Variants in TMEM132B observed in about 807,000 individuals in gnomAD.
The protein encoded by TMEM132B is transmembrane protein 132B.
In TMEM132B, 18 loss-of-function variants were observed where a neutral mutation model predicts 90.8. The observed-to-expected ratio is 0.20, with a 90% CI of 0.14 to 0.29. The LOEUF is 0.29. Ranked by LOEUF, TMEM132B falls within the 10% of genes least tolerant of loss-of-function variation. The pLI, the probability that TMEM132B is intolerant of heterozygous loss-of-function variation, is 1.00. For synonymous variants in TMEM132B, 504 were observed against 523.3 expected, an observed-to-expected ratio of 0.96 and a Z score of 0.50; for missense variants, 1,096 against 1,326.8, an observed-to-expected ratio of 0.83 and a Z score of 2.70.
At chr12:125,436,031 C>T (rs1294793004) in intron 3 of TMEM132B, among the ~76,000 whole-genome samples, 1 of 152,110 alleles carries the variant, frequency 6.6e-6, no homozygotes, top group African/African-American at 2.4e-5. Context: ...TTGAAGACAT[C>T]CTTTCCTCCC....
Position 125,330,047 on chromosome 12 carries a change from C to A in TMEM132B, c.68-19405C>A, listed in dbSNP as rs548908144. Among the ~76,000 whole-genome samples the A allele has an allele frequency of 3.0e-3, 450 of 152,300 alleles. 5 individuals carry two copies. The highest frequency in any genetic ancestry group is 3.7e-3 in the Non-Finnish European group (252 of 68,028). The stretch of plus-strand genomic sequence containing the variant: ...TTGTTCCGTGGCCGACGCTGTGGTC[C>A]GACGATCTGTGTCACGCTGGACTGA... On this transcript the variant is annotated intron_variant, in intron 1 of 8. Coordinates refer to ENST00000682704, the MANE Select transcript of TMEM132B (RefSeq NM_001366854.1).
chr12:125,290,669 TA>T (rs1461326162), intron 1 of TMEM132B, among the ~76,000 whole-genome samples: 4 of 152,254 alleles, frequency 2.6e-5, no homozygotes, highest in Non-Finnish European at 5.9e-5. Context: ...TATTCTGGTA[TA>T]TGAATATATC....
At chr12:125,389,255 A>G (rs2136298937) in intron 2 of TMEM132B, among the ~76,000 whole-genome samples, 1 of 152,272 alleles carries the variant, frequency 6.6e-6, no homozygotes, top group Admixed American at 6.5e-5. Flanking sequence ...TGTCAGGATA[A>G]AGCATAATGG....
At chr12:125,473,659 G>C (rs1881780918) in intron 3 of TMEM132B, among the ~76,000 whole-genome samples, 1 of 152,176 alleles carries the variant, frequency 6.6e-6, no homozygotes, top group Non-Finnish European at 1.5e-5. Flanking sequence ...CACACCAGCT[G>C]CTGCTTCACA....
chr12:125,536,157 T>C (rs917953602), intron 4 of TMEM132B, among the ~76,000 whole-genome samples: 2 of 152,222 alleles, frequency 1.3e-5, no homozygotes, highest in Non-Finnish European at 2.9e-5. Flanking sequence ...GTCAGGTCTT[T>C]GCTCTGCAAG....
chr12:125,649,799 T>C (rs1164878757), intron 6 of TMEM132B, among the ~76,000 whole-genome samples: 1 of 152,120 alleles, frequency 6.6e-6, no homozygotes, highest in African/African-American at 2.4e-5. Context: ...AGGGGAACGT[T>C]CTGGAATTGC....
In TMEM132B at chr12:125,560,760, G is replaced by A. The variant is rs530236600; in HGVS notation, c.1294-23091G>A. 1.3e-4 allele frequency among the ~76,000 whole-genome samples: 18 copies of A among 140,210 alleles called. 1 individual carries two copies. In the South Asian group the frequency reaches 3.5e-3, roughly 27 times the overall value. 92.0% of individuals were successfully genotyped at this position (140,210 alleles called of 152,430 possible). ...CAATGGCGTGAACCAGGGAAGCGGA[G>A]CTTGCAGTGAGCCAAGATTGCGCCA... On this transcript the variant is annotated intron_variant, in intron 4 of 8. Transcript: ENST00000682704.
chr12:125,654,414 A>G lies in TMEM132B; in HGVS notation c.2956A>G (p.Arg986Gly). The change falls in exon 9 of 9, where the codon AGG becomes GGG. Residue 986 changes from arginine to glycine, a missense_variant. Arg to Gly is a moderately radical substitution (Grantham distance 125). Transcript: ENST00000682704. This position sits in a 1 kb window ranked among gnomAD's most constrained non-coding sequence, Gnocchi z 5.8. ...MIDRGLQFEE[R>G]NFLLNGSSQK... ...AGACAGGGGCCTGCAGTTCGAGGAGAGGAACTTCCTTCTGAATGGCAGTTC... is the reference window on the plus strand; with the variant it reads ...AGACAGGGGCCTGCAGTTCGAGGAGGGGAACTTCCTTCTGAATGGCAGTTC... 6.2e-7 allele frequency: 1 copy of G among 1,613,480 alleles called. No individual in the cohort carries two copies. The highest frequency in any genetic ancestry group is 8.5e-7 in the Non-Finnish European group (1 of 1,180,004).
At chr12:125,488,669 C>T (rs1487861911) in intron 3 of TMEM132B, among the ~76,000 whole-genome samples, 2 of 152,218 alleles carry the variant, frequency 1.3e-5, no homozygotes, top group African/African-American at 4.8e-5. Flanking sequence ...TCCATTAAAC[C>T]TCTTTTTCTT....
chr12:125,448,378 C>T (rs899221808), intron 3 of TMEM132B, among the ~76,000 whole-genome samples: 1 of 152,140 alleles, frequency 6.6e-6, no homozygotes, highest in East Asian at 1.9e-4. Context: ...CCCAATCAGA[C>T]ATTCCTACTC....
At chr12:125,592,038 C>G (rs1885329201) in intron 5 of TMEM132B, among the ~76,000 whole-genome samples, 1 of 152,144 alleles carries the variant, frequency 6.6e-6, no homozygotes, top group African/African-American at 2.4e-5. Flanking sequence ...GGGTTTAGGG[C>G]AGAGATATCT....
chr12:125,349,714 T>TACA lies in TMEM132B; in HGVS notation c.331_333dup (p.Thr111dup), dbSNP rs1474466191. On this transcript the variant is annotated inframe_insertion, in exon 2 of 9. Coordinates refer to ENST00000682704, the MANE Select transcript of TMEM132B (RefSeq NM_001366854.1). The surrounding 1 kb of genome is among the most constrained non-coding windows in gnomAD (Gnocchi z 4.1). ...TCCCCCAGGAGCTCCTGTTGACATCTACAGCCTTTGGAAACATGGACAAAT... is the reference window on the plus strand; with the variant it reads ...TCCCCCAGGAGCTCCTGTTGACATCTACAACAGCCTTTGGAAACATGGACAAAT... 1 of 1,614,218 alleles carries TACA rather than the reference T, an allele frequency of 6.2e-7. No homozygotes were observed. Among genetic ancestry groups the TACA allele is most frequent in the Admixed American group, 1.7e-5 (1 of 60,024 alleles).
chr12:125,451,046 A>C (rs1315984366), intron 3 of TMEM132B, among the ~76,000 whole-genome samples: 1 of 152,192 alleles, frequency 6.6e-6, no homozygotes, highest in Non-Finnish European at 1.5e-5. Context: ...TTAAAAAACA[A>C]AGACAGACTG....
intron 1 of TMEM132B, among the ~76,000 whole-genome samples, chr12:125,212,780 A>G (rs1873349720): frequency 6.6e-6 from 1 of 152,218 alleles, no homozygotes; most frequent in Admixed American, 6.5e-5. Flanking sequence ...CACCATGCCC[A>G]GCCCTCTTTC....
chr12:125,304,884 G>A (rs1216694000), intron 1 of TMEM132B, among the ~76,000 whole-genome samples: 2 of 152,034 alleles, frequency 1.3e-5, no homozygotes, highest in Admixed American at 6.5e-5. Flanking sequence ...CTTCACATTC[G>A]TAGTGCAGGT....
intron 1 of TMEM132B, among the ~76,000 whole-genome samples, chr12:125,304,240 A>G (rs1044252583): frequency 1.3e-5 from 2 of 152,186 alleles, no homozygotes; most frequent in African/African-American, 2.4e-5. Context: ...AACACAGATG[A>G]AGCTTCGCTT....
intron 5 of TMEM132B, among the ~76,000 whole-genome samples, chr12:125,629,215 A>G (rs891106414): frequency 3.3e-5 from 5 of 151,880 alleles, no homozygotes; most frequent in Admixed American, 6.6e-5. Context: ...TAGGGATTGC[A>G]TTTAATCTGT....
At chr12:125,432,511 G>GTGTATATATATATATATA (rs1555248848) in intron 3 of TMEM132B, among the ~76,000 whole-genome samples, 1 of 18,554 alleles carries the variant, frequency 5.4e-5, no homozygotes, top group African/African-American at 3.2e-4. Context: ...ATGTGTGTGT[G>GTGTATATATATATATATA]TATATATATA....
rs59220510 is a variant in TMEM132B at position 125,325,669 on chromosome 12, CTGTGTG to C, written c.68-23737_68-23732del. Among the ~76,000 whole-genome samples the C allele has an allele frequency of 3.2e-3, 404 of 124,384 alleles. 2 individuals carry two copies. The highest frequency in any genetic ancestry group is 7.8e-3 in the Middle Eastern group (2 of 256). The allele number at this position is 124,384 out of a possible 152,430, so 81.6% of individuals were successfully genotyped here. On this transcript the variant is annotated intron_variant, in intron 1 of 8. Coordinates refer to ENST00000682704, the MANE Select transcript of TMEM132B (RefSeq NM_001366854.1). Reference sequence around the variant, plus strand: ...TTGCATTCTTTCCCTGCCTCCCACCCTGTGTGTGTGTGTGTGTGTGTGTGTGTGTGT... The same window carrying C: ...TTGCATTCTTTCCCTGCCTCCCACCCTGTGTGTGTGTGTGTGTGTGTGTGT...
Sources: allele counts gnomAD v4.1 joint callset (sites outside exome capture counted in the v4.1 genomes callset), GRCh38; gene constraint gnomAD v4.1.1; non-coding constraint Gnocchi (gnomAD v3.1); transcripts MANE v1.5; gene names NCBI Gene and HGNC (gene_info 2026-07-23, HGNC 2026-07-21).